The following DSE variants were observed in gnomAD, a reference collection of about 807,000 sequenced individuals.
DSE encodes dermatan sulfate epimerase, also known as dermatan-sulfate epimerase.
A neutral mutation model predicts 84.4 loss-of-function variants in DSE; 36 were observed. That is an observed-to-expected ratio of 0.43 (90% CI 0.33 to 0.56). The LOEUF (loss-of-function observed/expected upper bound fraction) is 0.56, where lower values mean the gene tolerates loss of function less well. DSE is among the 20% of genes least tolerant of loss of function. DSE has a pLI of 0.06. For synonymous variants in DSE, 410 were observed against 430.1 expected (o/e 0.95, Z 0.58); for missense variants, 862 against 1,169.6 (o/e 0.74, Z 3.84).
In DSE at chr6:116,426,682, G is replaced by C. The variant is rs1783473669; in HGVS notation, c.525G>C (p.Glu175Asp). ...LYNYLSKTQQ[E>D]KFLEVIANAS... ...ACTACCTGAGCAAGACACAACAGGA[G>C]AAGTTTCTTGAAGTGATTGCCAATG... Residue 175 changes from glutamate (E) to aspartate (D), a missense_variant, in exon 3 of 6, where the codon GAG becomes GAC. By Grantham distance (45) the Glu-to-Asp change is conservative (BLOSUM62 2). This residue lies in a region of DSE where 309 missense variants were observed against 516.9 expected (regional missense o/e 0.60). Transcript: ENST00000644252. 1 of 1,614,172 alleles carries C rather than the reference G, an allele frequency of 6.2e-7. No homozygotes were observed. The highest frequency in any genetic ancestry group is 8.5e-7 in the Non-Finnish European group (1 of 1,180,030).
At chr6:116,392,727 A>C (rs1285768693) in intron 1 of DSE, among the ~76,000 whole-genome samples, 1 of 152,142 alleles carries the variant, frequency 6.6e-6, no homozygotes, top group Non-Finnish European at 1.5e-5. Flanking sequence ...GGCCTTTCCC[A>C]TTGCCTTTGT....
intron 2 of DSE, among the ~76,000 whole-genome samples, chr6:116,336,747 C>T (rs1777276083): frequency 9.9e-6 from 1 of 100,858 alleles, no homozygotes; most frequent in Non-Finnish European, 2.1e-5. Context: ...AAGAGCAAAA[C>T]TCCATCTCAA....
At chr6:116,427,976 G>A (rs933745195) in intron 3 of DSE, among the ~76,000 whole-genome samples, 2 of 152,204 alleles carry the variant, frequency 1.3e-5, no homozygotes, top group Non-Finnish European at 2.9e-5. Flanking sequence ...ATCACTTGAG[G>A]ACAGGAGTTC....
rs147621279 is a variant in DSE, at chr6:116,351,279, G to A, written c.-53-47919G>A. Among the ~76,000 whole-genome samples the A allele has an allele frequency of 9.6e-3, 1,460 of 152,278 alleles. 9 individuals carry two copies. Among genetic ancestry groups the A allele is most frequent in the Non-Finnish European group, 0.015 (1,017 of 68,014 alleles). On this transcript the variant is annotated intron_variant, in intron 2 of 3. Coordinates refer to the DSE transcript ENST00000430252. ...AACAGTCATCTGACTCGGTTTGGCT[G>A]TCTCATACCAAGATCTCAGGGCAGC...
At chr6:116,362,098 T>C (rs1203890970) in intron 2 of DSE, among the ~76,000 whole-genome samples, 1 of 152,260 alleles carries the variant, frequency 6.6e-6, no homozygotes, top group African/African-American at 2.4e-5. Context: ...AAAACTTGTT[T>C]AGACTATGCA....
At chr6:116,279,397 G>C (rs1254609585) in intron 2 of DSE, 1 of 1,613,044 alleles carries the variant, frequency 6.2e-7, no homozygotes, top group Non-Finnish European at 8.5e-7. Flanking sequence ...CGCCCCCGCC[G>C]TCAGCTCAGA....
intron 2 of DSE, among the ~76,000 whole-genome samples, chr6:116,301,500 A>T (rs1172756653): frequency 4.6e-5 from 7 of 152,036 alleles, no homozygotes; most frequent in Non-Finnish European, 1.0e-4. Flanking sequence ...TATTTTATTG[A>T]TTCTTCCTAC....
intron 2 of DSE, among the ~76,000 whole-genome samples, chr6:116,294,052 C>A (rs1486210240): frequency 5.9e-5 from 9 of 151,866 alleles, no homozygotes; most frequent in African/African-American, 2.2e-4. Flanking sequence ...GAGACAAGGT[C>A]TCACTCTGTC....
chr6:116,384,006 C>T (rs1780421501), intron 1 of DSE, among the ~76,000 whole-genome samples: 1 of 152,010 alleles, frequency 6.6e-6, no homozygotes, highest in Non-Finnish European at 1.5e-5. Context: ...CTTTTGAATT[C>T]TCTAGATAAA....
chr6:116,311,259 T>G (rs1775678418), intron 2 of DSE, among the ~76,000 whole-genome samples: 1 of 152,216 alleles, frequency 6.6e-6, no homozygotes, highest in Admixed American at 6.5e-5. Context: ...TATATCCTCT[T>G]TATATACATG....
intron 1 of DSE, among the ~76,000 whole-genome samples, chr6:116,371,745 G>A (rs750002848): frequency 6.6e-6 from 1 of 152,386 alleles, no homozygotes. Flanking sequence ...GGCAGTCCCG[G>A]GGAGGGGAGG....
At chr6:116,425,974 T>C (rs1783425619) in intron 2 of DSE, among the ~76,000 whole-genome samples, 1 of 152,214 alleles carries the variant, frequency 6.6e-6, no homozygotes, top group Non-Finnish European at 1.5e-5. Context: ...GTTCAGTTTA[T>C]GGGAAAGAGG....
chr6:116,327,931 A>G (rs956839161), intron 2 of DSE, among the ~76,000 whole-genome samples: 6 of 152,350 alleles, frequency 3.9e-5, no homozygotes, highest in East Asian at 1.9e-4. Flanking sequence ...GTTACTTAAC[A>G]TGGAGCTTCC....
At chr6:116,377,125 T>C (rs1378163182) in intron 1 of DSE, among the ~76,000 whole-genome samples, 5 of 152,236 alleles carry the variant, frequency 3.3e-5, no homozygotes, top group Non-Finnish European at 7.3e-5. Flanking sequence ...GTCCTTTAAA[T>C]CTTTCCATTT....
chr6:116,406,753 G>A (rs540042632), intron 2 of DSE, among the ~76,000 whole-genome samples: 41 of 152,246 alleles, frequency 2.7e-4, no homozygotes, highest in African/African-American at 9.4e-4. Context: ...TTTCAGTCAT[G>A]CTTACCACAG....
intron 2 of DSE, among the ~76,000 whole-genome samples, chr6:116,294,712 T>C (rs186415684): frequency 1.3e-5 from 2 of 152,220 alleles, no homozygotes; most frequent in Admixed American, 6.5e-5. Flanking sequence ...GTTTAGCATA[T>C]CAGAACCTCA....
chr6:116,403,716 A>G (rs1223444662), intron 2 of DSE, among the ~76,000 whole-genome samples: 3 of 152,168 alleles, frequency 2.0e-5, no homozygotes, highest in Non-Finnish European at 4.4e-5. Flanking sequence ...ATTGAAGTTT[A>G]CAGTGACTAT....
intron 2 of DSE, among the ~76,000 whole-genome samples, chr6:116,348,787 A>G (rs1583065280): frequency 6.6e-6 from 1 of 152,368 alleles, no homozygotes; most frequent in South Asian, 2.1e-4. Flanking sequence ...ATGGAATACT[A>G]TGCAGCCATA....
rs1050702899 is a variant in DSE, at chr6:116,355,259, T to C, written c.-53-43939T>C. On this transcript the variant is annotated intron_variant, in intron 2 of 3. Transcript: ENST00000430252. Reference sequence around the variant, plus strand: ...TCCTCCGAATCCTCTCTCAAAGTATTGTACCAATTTATACTTCCCCCAGCA... The same window carrying C: ...TCCTCCGAATCCTCTCTCAAAGTATCGTACCAATTTATACTTCCCCCAGCA... Among the ~76,000 whole-genome samples, 28 of 152,326 alleles carry C rather than the reference T, an allele frequency of 1.8e-4. 1 individual carries two copies. Among genetic ancestry groups the C allele is most frequent in the Middle Eastern group, 6.8e-3 (2 of 294 alleles).
Sources: allele counts gnomAD v4.1 joint callset (sites outside exome capture counted in the v4.1 genomes callset), GRCh38; gene constraint gnomAD v4.1.1; regional missense constraint gnomAD v4.1.1; transcripts MANE v1.5; gene names NCBI Gene and HGNC (gene_info 2026-07-23, HGNC 2026-07-21).